The following ZMYND8 variants were observed in gnomAD, a reference collection of about 807,000 sequenced individuals.
ZMYND8 encodes the protein MYND-type zinc finger-containing chromatin reader ZMYND8.
Under a neutral mutation model 140.8 loss-of-function variants are expected in ZMYND8, and 37 were observed. That is an observed-to-expected ratio of 0.26 (90% CI 0.20 to 0.35). ZMYND8 has a LOEUF of 0.35. Among genes scored for constraint, ZMYND8 ranks in the 10% least tolerant of loss-of-function variants. The pLI, the probability that ZMYND8 is intolerant of heterozygous loss-of-function variation, is 1.00. For missense variants in ZMYND8, 1,068 were observed against 1,570.0 expected (o/e 0.68, Z 5.40); for synonymous variants, 592 against 597.1 (o/e 0.99, Z 0.12).
chr20:47,225,218 C>T (rs770830735), intron 18 of ZMYND8, among the ~76,000 whole-genome samples: 1 of 152,086 alleles, frequency 6.6e-6, no homozygotes, highest in Non-Finnish European at 1.5e-5. Context: ...TTACTTCAGA[C>T]AGTTAAGTCC....
At chr20:47,240,669 C>CT (rs1039281116) in intron 14 of ZMYND8, among the ~76,000 whole-genome samples, 1 of 151,576 alleles carries the variant, frequency 6.6e-6, no homozygotes, top group African/African-American at 2.4e-5. Context: ...ATTCTCCTGC[C>CT]TCAGCCTCCC....
chr20:47,292,907 A>G, intron 5 of ZMYND8, among the ~76,000 whole-genome samples: 1 of 151,400 alleles, frequency 6.6e-6, no homozygotes, highest in Non-Finnish European at 1.5e-5. Flanking sequence ...ATAATAATAA[A>G]AAAGTTAGCT....
At chr20:47,235,111 TACTA>T (rs775164485) in intron 16 of ZMYND8, among the ~76,000 whole-genome samples, 57 of 152,372 alleles carry the variant, frequency 3.7e-4, no homozygotes, top group Admixed American at 1.8e-3. Context: ...CTTAGTAATT[TACTA>T]ACTAATCTCA....
intron 18 of ZMYND8, among the ~76,000 whole-genome samples, chr20:47,226,490 CA>C (rs2037730122): frequency 6.6e-6 from 1 of 152,206 alleles, no homozygotes; most frequent in Non-Finnish European, 1.5e-5. Flanking sequence ...CCGCACTGAG[CA>C]GTGCACAGGA....
chr20:47,282,019 C>T, intron 10 of ZMYND8, 83 bp downstream of exon 10: 4 of 1,089,394 alleles, frequency 3.7e-6, no homozygotes, highest in Non-Finnish European at 5.3e-6. Context: ...ATAATAGCTG[C>T]AGCCTCCACT....
chr20:47,241,819 CTTTTT>C (rs536750853), intron 14 of ZMYND8, among the ~76,000 whole-genome samples: 2 of 137,888 alleles, frequency 1.5e-5, no homozygotes, highest in African/African-American at 5.4e-5. Flanking sequence ...TTTTTCTTTT[CTTTTT>C]TTTTTTTTTT....
intron 10 of ZMYND8, 109 bp downstream of exon 10, chr20:47,281,993 C>T: frequency 1.1e-6 from 1 of 920,668 alleles, no homozygotes; most frequent in Non-Finnish European, 1.6e-6. Context: ...TGGTTGGTAT[C>T]ATGACAATAA....
rs537337276 is a variant in ZMYND8 at position 47,239,443 on chromosome 20, C to G, written c.2285-305G>C. 1.1e-4 allele frequency among the ~76,000 whole-genome samples: 17 copies of G among 152,338 alleles called. No individual in the cohort carries two copies. The South Asian group carries it at 3.5e-3, about 32-fold the overall frequency. On this transcript the variant is annotated intron_variant, in intron 14 of 22. Transcript: ENST00000471951. ...AAGACCCGGCTCCTGCGCTCAAGCT[C>G]CCCTACACCTAGTGGACAATGCGGT...
intron 11 of ZMYND8, among the ~76,000 whole-genome samples, chr20:47,271,478 A>T (rs898738329): frequency 3.3e-5 from 5 of 152,240 alleles, no homozygotes; most frequent in African/African-American, 1.2e-4. Flanking sequence ...CACGATGTGT[A>T]ACAGGTATGG....
At chr20:47,214,761 T>C (rs1313172761) in intron 21 of ZMYND8, among the ~76,000 whole-genome samples, 2 of 152,220 alleles carry the variant, frequency 1.3e-5, no homozygotes, top group South Asian at 2.1e-4. Context: ...TCTCAAGGTG[T>C]TGGGATTATA....
intron 21 of ZMYND8, among the ~76,000 whole-genome samples, chr20:47,214,684 G>A (rs1267810571): frequency 7.2e-5 from 11 of 152,098 alleles, no homozygotes; most frequent in African/African-American, 2.7e-4. Flanking sequence ...TAGTAGAGAC[G>A]GGGTTTCACC....
At chr20:47,254,333 G>A (rs979322531) in intron 12 of ZMYND8, among the ~76,000 whole-genome samples, 8 of 152,288 alleles carry the variant, frequency 5.3e-5, no homozygotes, top group East Asian at 1.9e-4. Flanking sequence ...AAATGTCGCC[G>A]CATGTGGCCT....
At chr20:47,219,613 C>G (rs1308264932) in intron 21 of ZMYND8, among the ~76,000 whole-genome samples, 2 of 151,858 alleles carry the variant, frequency 1.3e-5, no homozygotes, top group African/African-American at 2.4e-5. Context: ...TGTCTTCCAC[C>G]AGGAAGACAC....
chr20:47,235,867 T>A (rs1338750305), intron 16 of ZMYND8, among the ~76,000 whole-genome samples: 1 of 152,142 alleles, frequency 6.6e-6, no homozygotes, highest in Non-Finnish European at 1.5e-5. Flanking sequence ...GGAGTCCCCT[T>A]GGTCCCCCTC....
chr20:47,300,930 G>GTGTGTGTGTGTGTGTGTGTA (rs757554886), intron 3 of ZMYND8, among the ~76,000 whole-genome samples: 6 of 141,324 alleles, frequency 4.2e-5, no homozygotes, highest in African/African-American at 1.6e-4. Flanking sequence ...GTGTGTGTGT[G>GTGTGTGTGTGTGTGTGTGTA]TGTGTTTTGT....
chr20:47,324,246 G>C (rs1442984346), intron 2 of ZMYND8, among the ~76,000 whole-genome samples: 2 of 150,814 alleles, frequency 1.3e-5, no homozygotes, highest in Admixed American at 6.6e-5. Flanking sequence ...ACCGGTCGTG[G>C]TGTCTCACGT....
intron 3 of ZMYND8, among the ~76,000 whole-genome samples, chr20:47,300,401 T>C (rs1322291150): frequency 1.3e-5 from 2 of 152,222 alleles, no homozygotes; most frequent in African/African-American, 2.4e-5. Flanking sequence ...TAAAACATGA[T>C]GGTTTCCTCC....
chr20:47,219,061 T>C (rs1009206958), intron 21 of ZMYND8, among the ~76,000 whole-genome samples: 1 of 144,630 alleles, frequency 6.9e-6, no homozygotes, highest in African/African-American at 2.5e-5. Context: ...TACAATTTTT[T>C]TTTTTTTTTT....
chr20:47,249,546 AG>A (rs1601250718), intron 12 of ZMYND8, 107 bp from the exon 13 acceptor site: 1 of 1,448,574 alleles, frequency 6.9e-7, no homozygotes, highest in Non-Finnish European at 9.3e-7. Context: ...AACATGGGGG[AG>A]GGGGAGATAC....
Sources: gnomAD v4.1 joint callset for allele counts (sites outside exome capture counted in the v4.1 genomes callset) on GRCh38, gnomAD v4.1.1 for gene constraint, MANE v1.5 for transcripts, NCBI Gene and HGNC (gene_info 2026-07-23, HGNC 2026-07-21) for gene names.